The following RANBP9 variants were observed in gnomAD, a reference collection of about 807,000 sequenced individuals.
The protein encoded by RANBP9 is RAN binding protein 9.
A neutral mutation model predicts 84.3 loss-of-function variants in RANBP9; 15 were observed. That is an observed-to-expected ratio of 0.18 (90% confidence interval 0.12 to 0.27). The LOEUF is 0.27. Among genes scored for constraint, RANBP9 ranks in the 10% least tolerant of loss-of-function variants. The probability of loss-of-function intolerance (pLI) is 1.00; values close to 1 mark genes in which losing one functional copy is unlikely to be tolerated. For missense variants in RANBP9, 809 were observed against 912.8 expected (o/e 0.89, Z 1.46); for synonymous variants, 392 against 349.6 (o/e 1.12, Z -1.35).
intron 13 of RANBP9, among the ~76,000 whole-genome samples, chr6:13,623,235 G>A (rs1048898756): frequency 6.6e-6 from 1 of 152,108 alleles, no homozygotes; most frequent in African/African-American, 2.4e-5. Context: ...CTCAGAAGCT[G>A]GTAATTTCTC....
Position 13,711,597 on chromosome 6 carries a change from A to T in RANBP9, c.-92T>A. 2 of 1,145,126 alleles carry T rather than the reference A, an allele frequency of 1.7e-6. No homozygotes were observed. Among genetic ancestry groups the T allele is most frequent in the South Asian group, 4.2e-5 (1 of 23,848 alleles). 70.9% of individuals were successfully genotyped at this position (1,145,126 alleles called of 1,614,324 possible). A position where few individuals can be genotyped will look rare whatever the true frequency, so the allele number is the denominator to read the frequency against. On this transcript the variant is annotated 5_prime_UTR_variant, in exon 1 of 14. Transcript: ENST00000011619. ...CGCTGTCGCTGCGGCCGCCGGCACC[A>T]GGCGCCCAGTCCGCCCGCCCCGGAA...
At chr6:13,710,801 A>C (rs1176847724) in intron 1 of RANBP9, 134 bp downstream of exon 1, 13 of 960,858 alleles carry the variant, frequency 1.4e-5, no homozygotes, top group Non-Finnish European at 1.9e-5. Flanking sequence ...CCGGAGCAGC[A>C]CAACAGGCGG....
At chr6:13,682,279 T>C (rs1766061723) in intron 2 of RANBP9, among the ~76,000 whole-genome samples, 1 of 151,896 alleles carries the variant, frequency 6.6e-6, no homozygotes, top group Non-Finnish European at 1.5e-5. Flanking sequence ...GTGAAACTAG[T>C]ATATATCAAG....
At chr6:13,708,454 C>G (rs1226384536) in intron 1 of RANBP9, among the ~76,000 whole-genome samples, 1 of 151,904 alleles carries the variant, frequency 6.6e-6, no homozygotes, top group Non-Finnish European at 1.5e-5. Context: ...ACCAGAACAA[C>G]AACAAAAAAC....
chr6:13,637,191 A>T (rs1234538271), intron 10 of RANBP9, among the ~76,000 whole-genome samples: 1 of 152,104 alleles, frequency 6.6e-6, no homozygotes, highest in Admixed American at 6.5e-5. Flanking sequence ...CATCTTTCAA[A>T]CCTCTTCAAA....
chr6:13,692,389 G>A (rs1007160116), intron 2 of RANBP9, among the ~76,000 whole-genome samples: 2 of 151,646 alleles, frequency 1.3e-5, no homozygotes, highest in African/African-American at 4.9e-5. Context: ...TAAGCTGGCC[G>A]TGGTGGCGCA....
intron 5 of RANBP9, among the ~76,000 whole-genome samples, chr6:13,645,359 G>C (rs1202769256): frequency 1.3e-5 from 2 of 151,758 alleles, no homozygotes; most frequent in African/African-American, 4.8e-5. Flanking sequence ...GGAGGAAAAG[G>C]ATGAATCTGA....
chr6:13,655,203 GGCTCAC>G (rs1416224221), intron 4 of RANBP9, among the ~76,000 whole-genome samples: 1 of 152,224 alleles, frequency 6.6e-6, no homozygotes, highest in Non-Finnish European at 1.5e-5. Flanking sequence ...TGGGCACAGT[GGCTCAC>G]GCCTGTAATG....
intron 11 of RANBP9, 68 bp downstream of exon 11, chr6:13,634,363 G>A: frequency 6.5e-7 from 1 of 1,540,190 alleles, no homozygotes; most frequent in Admixed American, 1.8e-5. Flanking sequence ...CTGTGAATCA[G>A]TACAAGTAAA....
chr6:13,641,709 T>G (rs1765068397), intron 7 of RANBP9, among the ~76,000 whole-genome samples: 1 of 152,190 alleles, frequency 6.6e-6, no homozygotes, highest in Non-Finnish European at 1.5e-5. Flanking sequence ...AGAGACTCGT[T>G]GAGCATTCAC....
intron 2 of RANBP9, among the ~76,000 whole-genome samples, chr6:13,686,433 G>A (rs181607967): frequency 5.2e-4 from 79 of 151,930 alleles, no homozygotes; most frequent in African/African-American, 1.9e-3. Flanking sequence ...ACAGGAATGC[G>A]CCACCACGCC....
intron 12 of RANBP9, among the ~76,000 whole-genome samples, chr6:13,629,715 A>C (rs1459512758): frequency 6.6e-6 from 1 of 152,194 alleles, no homozygotes; most frequent in Non-Finnish European, 1.5e-5. Flanking sequence ...GCTGCTCAAC[A>C]AACAATTCAA....
At chr6:13,709,643 T>C (rs1053031814) in intron 1 of RANBP9, among the ~76,000 whole-genome samples, 1 of 152,236 alleles carries the variant, frequency 6.6e-6, no homozygotes, top group African/African-American at 2.4e-5. Context: ...AGGATAACAC[T>C]TGGAAGTACT....
chr6:13,674,642 G>A (rs1466210687), intron 2 of RANBP9, among the ~76,000 whole-genome samples: 3 of 152,124 alleles, frequency 2.0e-5, no homozygotes, highest in Non-Finnish European at 4.4e-5. Flanking sequence ...TTCTGATTAG[G>A]CATAACTGAA....
intron 1 of RANBP9, among the ~76,000 whole-genome samples, chr6:13,703,224 C>T (rs572658612): frequency 1.3e-5 from 2 of 152,314 alleles, no homozygotes; most frequent in African/African-American, 2.4e-5. Context: ...TGGGGACCTA[C>T]CATTTCTTTT....
chr6:13,664,249 C>A lies in RANBP9; in HGVS notation c.684-5417G>T, dbSNP rs560674990. ...AAAAACAAAATTTAAAAAACCAATT[C>A]TATCTACAACAGCATCAGAAAACAT... On this transcript the variant is annotated intron_variant, in intron 2 of 13. Transcript: ENST00000011619. Among the ~76,000 whole-genome samples, 5 of 152,212 alleles carry A rather than the reference C, an allele frequency of 3.3e-5. No homozygotes were observed. In the South Asian group the frequency reaches 8.3e-4, roughly 25 times the overall value.
In RANBP9 at chr6:13,696,052, A is replaced by G. The variant is rs759900642; in HGVS notation, c.683+733T>C. Among the ~76,000 whole-genome samples the G allele has an allele frequency of 7.1e-4, 108 of 151,332 alleles. 1 individual carries two copies. Among genetic ancestry groups the G allele is most frequent in the Admixed American group, 1.1e-3 (17 of 15,230 alleles). ...CAGGAAATACTATAGGATAGATCCAATGATTCTAGGTAATTAGTGCTTAAC... is the reference window on the plus strand; with the variant it reads ...CAGGAAATACTATAGGATAGATCCAGTGATTCTAGGTAATTAGTGCTTAAC... On this transcript the variant is annotated intron_variant, in intron 2 of 13. Coordinates refer to ENST00000011619, the MANE Select transcript of RANBP9 (RefSeq NM_005493.3).
At chr6:13,637,106 C>T (rs1478291361) in intron 10 of RANBP9, among the ~76,000 whole-genome samples, 1 of 152,150 alleles carries the variant, frequency 6.6e-6, no homozygotes, top group Admixed American at 6.5e-5. Flanking sequence ...CAAATAATGT[C>T]ACTTCATGAA....
rs190364009 is a variant in RANBP9 at position 13,675,514 on chromosome 6, A to G, written c.684-16682T>C. ...AAGCAGTGCCTACAGAGAAATTTATAGCACTGAATGTAATGGTGATCTAAA... is the reference window on the plus strand; with the variant it reads ...AAGCAGTGCCTACAGAGAAATTTATGGCACTGAATGTAATGGTGATCTAAA... On this transcript the variant is annotated intron_variant, in intron 2 of 13. Coordinates refer to ENST00000011619, the MANE Select transcript of RANBP9 (RefSeq NM_005493.3). Among the ~76,000 whole-genome samples, 12 of 152,328 alleles carry G rather than the reference A, an allele frequency of 7.9e-5. No individual in the cohort carries two copies. In the East Asian group the frequency reaches 2.3e-3, roughly 29 times the overall value.
Sources: gnomAD v4.1 joint callset for allele counts (sites outside exome capture counted in the v4.1 genomes callset) on GRCh38, gnomAD v4.1.1 for gene constraint, MANE v1.5 for transcripts, NCBI Gene and HGNC (gene_info 2026-07-23, HGNC 2026-07-21) for gene names.